IL12RB2: variants seen among roughly 807,000 people sequenced by gnomAD.
IL12RB2 encodes the protein interleukin-12 receptor subunit beta-2.
In IL12RB2, 82 loss-of-function variants were observed where a neutral mutation model predicts 89.4. The observed-to-expected ratio is 0.92, with a 90% confidence interval of 0.77 to 1.10. IL12RB2 has a LOEUF of 1.10. Ranked by LOEUF, IL12RB2 falls within the 50% of genes least tolerant of loss-of-function variation. The pLI is 0.00. For missense variants in IL12RB2, 963 were observed against 1,031.9 expected (o/e 0.93, Z 0.92); for synonymous variants, 368 against 370.1 (o/e 0.99, Z 0.07).
chr1:67,312,810 A>G (rs1655257243), intron 1 of IL12RB2, among the ~76,000 whole-genome samples: 1 of 152,192 alleles, frequency 6.6e-6, no homozygotes. Context: ...TTAAAGAGGA[A>G]CCATAGGACA....
At chr1:67,387,700 CA>C (rs10667103) in intron 15 of IL12RB2, among the ~76,000 whole-genome samples, 87 of 100,698 alleles carry the variant, frequency 8.6e-4, no homozygotes, top group African/African-American at 1.7e-3. Flanking sequence ...AAGACTGTCT[CA>C]AAAAAAAAAA....
intron 8 of IL12RB2, among the ~76,000 whole-genome samples, chr1:67,332,027 A>G (rs1341372082): frequency 6.6e-6 from 1 of 152,206 alleles, no homozygotes; most frequent in South Asian, 2.1e-4. Flanking sequence ...ATATGTGTGC[A>G]TGTAAACTAG....
intron 10 of IL12RB2, among the ~76,000 whole-genome samples, chr1:67,351,866 TC>T (rs1660886836): frequency 6.6e-6 from 1 of 152,160 alleles, no homozygotes; most frequent in Non-Finnish European, 1.5e-5. Context: ...TTGATATTAA[TC>T]CTATTTCTCA....
chr1:67,344,683 C>A (rs984039122), intron 9 of IL12RB2, among the ~76,000 whole-genome samples: 2 of 152,256 alleles, frequency 1.3e-5, no homozygotes, highest in African/African-American at 4.8e-5. Flanking sequence ...ATTTTATAAC[C>A]TTTTTATCCT....
At chr1:67,376,189 C>G (rs1305466431) in intron 13 of IL12RB2, among the ~76,000 whole-genome samples, 1 of 152,112 alleles carries the variant, frequency 6.6e-6, no homozygotes, top group African/African-American at 2.4e-5. Flanking sequence ...TACTTTGCTA[C>G]TGCCTAGTAG....
chr1:67,336,231 C>A (rs1658736180), intron 8 of IL12RB2, among the ~76,000 whole-genome samples: 1 of 152,190 alleles, frequency 6.6e-6, no homozygotes, highest in South Asian at 2.1e-4. Context: ...TGCCATTTAC[C>A]AGACCCAGGT....
intron 10 of IL12RB2, among the ~76,000 whole-genome samples, chr1:67,354,462 G>C (rs1661168023): frequency 6.6e-6 from 1 of 152,208 alleles, no homozygotes; most frequent in South Asian, 2.1e-4. Context: ...AGAGTGGACA[G>C]AGGACCATTG....
intron 16 of IL12RB2, among the ~76,000 whole-genome samples, chr1:67,395,192 T>TGGGAGGCGGAGGTTACA (rs1666232766): frequency 6.6e-6 from 1 of 151,336 alleles, no homozygotes; most frequent in Non-Finnish European, 1.5e-5. Context: ...TGCTTGAACC[T>TGGGAGGCGGAGGTTACA]GGGAGGCGGA....
At position 67,367,989 on chromosome 1, in the gene IL12RB2, C is replaced by T. The variant is rs200442123; in HGVS notation, c.1423C>T (p.Arg475Trp). ...GDTQVPLNWL[R>W]SRPYNVSALI... ...CACACAGGTCCCTCTAAACTGGCTACGGAGTCGACCCTACAATGTGTCTGC... is the reference window on the plus strand; with the variant it reads ...CACACAGGTCCCTCTAAACTGGCTATGGAGTCGACCCTACAATGTGTCTGC... The change falls in exon 11 of 17, where the codon CGG (arginine) becomes TGG (tryptophan). Residue 475 changes from arginine (R) to tryptophan (W), a missense_variant. Arg to Trp is a moderately radical substitution (Grantham distance 101). Coordinates refer to ENST00000674203, the MANE Select transcript of IL12RB2 (RefSeq NM_001374259.2). The T allele has an allele frequency of 1.4e-4, 219 of 1,609,598 alleles. 1 individual carries two copies. The South Asian group carries it at 1.8e-3, about 13-fold the overall frequency.
At chr1:67,394,709 A>G (rs1436617411) in intron 16 of IL12RB2, among the ~76,000 whole-genome samples, 1 of 152,088 alleles carries the variant, frequency 6.6e-6, no homozygotes, top group Admixed American at 6.6e-5. Flanking sequence ...ACCGCCTCCT[A>G]TTTCTGAAGC....
In IL12RB2 at chr1:67,395,868, C is replaced by T. The variant is rs781349707; in HGVS notation, c.2368C>T (p.Pro790Ser). ...ENPACPWTVLPAGDLPTHDGY... is the reference protein window; with the variant it reads ...ENPACPWTVLSAGDLPTHDGY... ...CCCAGCCTGTCCCTGGACGGTGCTC[C>T]CAGCAGGTGACCTTCCCACCCATGA... Residue 790 changes from proline (P) to serine (S), a missense_variant, in exon 17 of 17, where the codon CCA (proline) becomes TCA (serine). Coordinates refer to ENST00000674203, the MANE Select transcript of IL12RB2 (RefSeq NM_001374259.2). The T allele has an allele frequency of 9.3e-6, 15 of 1,608,980 alleles. No homozygotes were observed. The East Asian group carries it at 3.3e-4, about 36-fold the overall frequency.
Position 67,321,894 on chromosome 1 carries a change from G to A in IL12RB2, c.364+5G>A, listed in dbSNP as rs761690932. The A allele has an allele frequency of 1.8e-5, 29 of 1,611,798 alleles. No individual in the cohort carries two copies. Among genetic ancestry groups the A allele is most frequent in the Admixed American group, 1.7e-4 (10 of 59,994 alleles). On this transcript the variant is annotated splice_donor_5th_base_variant and intron_variant, in intron 4 of 16. Coordinates refer to ENST00000674203, the MANE Select transcript of IL12RB2 (RefSeq NM_001374259.2). ...GAGCAGAGATCTTCGTTGGTGGTGA[G>A]CATTCCATTTTGAATTTTTAAAACT... is the stretch of plus-strand genomic sequence containing the variant.
At chr1:67,335,424 A>C (rs1658639969) in intron 8 of IL12RB2, among the ~76,000 whole-genome samples, 1 of 152,216 alleles carries the variant, frequency 6.6e-6, no homozygotes, top group African/African-American at 2.4e-5. Flanking sequence ...TGGTGGAAAA[A>C]GAAGGGAATT....
intron 2 of IL12RB2, among the ~76,000 whole-genome samples, chr1:67,319,789 G>T (rs1267102055): frequency 1.3e-5 from 2 of 152,124 alleles, no homozygotes; most frequent in Non-Finnish European, 2.9e-5. Flanking sequence ...AACTCTCAAG[G>T]TGATGATATT....
At chr1:67,372,350 G>A in intron 11 of IL12RB2, 86 bp from the exon 12 acceptor site, 1 of 800,934 alleles carries the variant, frequency 1.2e-6, no homozygotes, top group Non-Finnish European at 2.3e-6. Flanking sequence ...CACCTTGAAA[G>A]CATTTGTATC....
At chr1:67,342,761 CTTTT>C (rs71062413) in intron 9 of IL12RB2, among the ~76,000 whole-genome samples, 1 of 137,168 alleles carries the variant, frequency 7.3e-6, no homozygotes, top group Non-Finnish European at 1.6e-5. Flanking sequence ...AAAATCACAC[CTTTT>C]TTTTTTTTTT....
chr1:67,315,770 G>T (rs1655677511), intron 2 of IL12RB2, among the ~76,000 whole-genome samples: 1 of 152,058 alleles, frequency 6.6e-6, no homozygotes, highest in Admixed American at 6.5e-5. Flanking sequence ...AAATTCTCTT[G>T]GTCTCAATTT....
At chr1:67,376,721 T>C (rs993970747) in intron 13 of IL12RB2, among the ~76,000 whole-genome samples, 6 of 152,170 alleles carry the variant, frequency 3.9e-5, no homozygotes, top group African/African-American at 1.4e-4. Flanking sequence ...TGTGTGTATG[T>C]GTGTTTGGAT....
chr1:67,314,706 A>G (rs1166060842), intron 2 of IL12RB2, among the ~76,000 whole-genome samples: 2 of 152,206 alleles, frequency 1.3e-5, no homozygotes, highest in African/African-American at 2.4e-5. Flanking sequence ...GCCTAGCACA[A>G]TACAATTTTG....
Sources: allele counts gnomAD v4.1 joint callset (sites outside exome capture counted in the v4.1 genomes callset), GRCh38; gene constraint gnomAD v4.1.1; transcripts MANE v1.5; gene names NCBI Gene and HGNC (gene_info 2026-07-23, HGNC 2026-07-21).